Variants in RAD1 observed in about 807,000 individuals in gnomAD.
RAD1 encodes cell cycle checkpoint protein RAD1.
Under a neutral mutation model 30.0 loss-of-function variants are expected in RAD1, and 21 were observed. The ratio of observed to expected loss-of-function variants is 0.70; its 90% confidence interval spans 0.50 to 1.01. RAD1 has a LOEUF of 1.01. Ranked by LOEUF, RAD1 falls within the 50% of genes least tolerant of loss-of-function variation. RAD1 has a pLI of 0.00. For missense variants in RAD1, 329 were observed against 329.0 expected, an observed-to-expected ratio of 1.00 and a Z score of 0.00; for synonymous variants, 109 against 113.6, an observed-to-expected ratio of 0.96 and a Z score of 0.26.
chr5:34,907,188 T>C lies in RAD1; in HGVS notation c.*1577A>G, dbSNP rs1763678236. ...TCTCCAAACCAATTTTCTCTAATGCTATGTGACCTATATTAAGGTAGGGCA... is the reference window on the plus strand; with the variant it reads ...TCTCCAAACCAATTTTCTCTAATGCCATGTGACCTATATTAAGGTAGGGCA... On this transcript the variant is annotated 3_prime_UTR_variant, in exon 6 of 6. Coordinates refer to ENST00000382038, the MANE Select transcript of RAD1 (RefSeq NM_002853.4). The C allele has an allele frequency of 6.6e-6, 1 of 152,246 alleles. No individual in the cohort carries two copies. The highest frequency in any genetic ancestry group is 6.5e-5 in the Admixed American group (1 of 15,282). 9.4% of individuals were successfully genotyped at this position (152,246 alleles called of 1,614,324 possible). A position where few individuals can be genotyped will look rare whatever the true frequency, so the allele number is the denominator to read the frequency against.
Position 34,914,727 on chromosome 5 carries a change from C to T in RAD1, c.166G>A (p.Ala56Thr), listed in dbSNP as rs1330954150. The change falls in exon 2 of 6, where the codon GCA (alanine) becomes ACA (threonine). Residue 56 changes from alanine to threonine, a missense_variant. Coordinates refer to ENST00000382038, the MANE Select transcript of RAD1 (RefSeq NM_002853.4). ...AAAGCATTTGCTTGCACACACTTTG[C>T]ATTTTCCACTGTTACTTTGATACCA... ...KNGIKVTVEN[A>T]KCVQANAFIQ... The T allele has an allele frequency of 1.2e-6, 2 of 1,614,226 alleles. No individual in the cohort carries two copies. Among genetic ancestry groups the T allele is most frequent in the Admixed American group, 3.3e-5 (2 of 60,028 alleles).
rs1305032894 is a variant in RAD1 at position 34,908,454 on chromosome 5, C to T, written c.*311G>A. ...CTTCCCAAAGTGCTGGGATTAAAGC[C>T]ACCACACCCGGCCACCTTTAGACTC... On this transcript the variant is annotated 3_prime_UTR_variant, in exon 6 of 6. Transcript: ENST00000382038. 3 of 179,750 alleles carry T rather than the reference C, an allele frequency of 1.7e-5. No homozygotes were observed. Among genetic ancestry groups the T allele is most frequent in the Non-Finnish European group, 3.5e-5 (3 of 86,324 alleles). 11.1% of individuals were successfully genotyped at this position (179,750 alleles called of 1,614,324 possible). A position where few individuals can be genotyped will look rare whatever the true frequency, so the allele number is the denominator to read the frequency against.
chr5:34,913,923 T>C (rs1011564732), intron 2 of RAD1: 1 of 456,604 alleles, frequency 2.2e-6, no homozygotes, highest in Non-Finnish European at 4.4e-6. Context: ...CTCACTATGA[T>C]TACCCAGGCT....
intron 4 of RAD1, 92 bp downstream of exon 4, chr5:34,911,462 T>C: frequency 6.9e-7 from 1 of 1,450,408 alleles, no homozygotes; most frequent in Non-Finnish European, 9.3e-7. Flanking sequence ...TCTAAAAATG[T>C]GGATAATAAA....
chr5:34,911,445 T>C, intron 4 of RAD1, 109 bp downstream of exon 4: 1 of 1,362,646 alleles, frequency 7.3e-7, no homozygotes, highest in South Asian at 1.4e-5. Flanking sequence ...TCTAAAGTTG[T>C]GAAAACTCTA....
intron 3 of RAD1, among the ~76,000 whole-genome samples, chr5:34,912,295 C>T (rs1580507440): frequency 6.6e-6 from 1 of 152,032 alleles, no homozygotes; most frequent in South Asian, 2.1e-4. Flanking sequence ...TATATTTCCT[C>T]GAATTTAAAA....
At position 34,911,174 on chromosome 5, in the gene RAD1, C is replaced by G. The variant is rs1187113088; in HGVS notation, c.566+380G>C. 5.3e-5 allele frequency among the ~76,000 whole-genome samples: 8 copies of G among 152,332 alleles called. No individual in the cohort carries two copies. The South Asian group carries it at 6.2e-4, about 12-fold the overall frequency. ...TGAATGAGCCACGTGTAGAAAACAT[C>G]TTCTTCTGCATCCTGAACTAACTTG... On this transcript the variant is annotated intron_variant, in intron 4 of 5. Coordinates refer to ENST00000382038, the MANE Select transcript of RAD1 (RefSeq NM_002853.4).
intron 5 of RAD1, 104 bp downstream of exon 5, chr5:34,909,154 G>A: frequency 1.0e-6 from 1 of 993,588 alleles, no homozygotes; most frequent in East Asian, 2.5e-5. Context: ...TTTATAAAAT[G>A]CTGTGCATTT....
In RAD1 at chr5:34,915,474, C is replaced by G. The variant is rs1293584980; in HGVS notation, c.-128G>C. On this transcript the variant is annotated 5_prime_UTR_variant, in exon 1 of 6. Transcript: ENST00000382038. The stretch of plus-strand genomic sequence containing the variant: ...TCTCAGCAAAGTCCCTGAAGAGGAG[C>G]GAGGCGGCTCCGAGGAACCGCGGAG... 2.5e-6 allele frequency: 1 copy of G among 397,536 alleles called. No homozygotes were observed. Among genetic ancestry groups the G allele is most frequent in the Non-Finnish European group, 4.5e-6 (1 of 220,832 alleles). 24.6% of individuals were successfully genotyped at this position (397,536 alleles called of 1,614,324 possible).
rs1325678719 is a variant in RAD1, at chr5:34,907,983, CAG to C, written c.*780_*781del. ...AAATACAGAATGCTGGCCTCCTCCCCAGAGTTTGCTACAAGTTTGCAGGCCAT... is the reference window on the plus strand; with the variant it reads ...AAATACAGAATGCTGGCCTCCTCCCCAGTTTGCTACAAGTTTGCAGGCCAT... On this transcript the variant is annotated 3_prime_UTR_variant, in exon 6 of 6. Coordinates refer to ENST00000382038, the MANE Select transcript of RAD1 (RefSeq NM_002853.4). The C allele has an allele frequency of 6.6e-6, 1 of 152,200 alleles. No homozygotes were observed. Among genetic ancestry groups the C allele is most frequent in the Non-Finnish European group, 1.5e-5 (1 of 68,040 alleles). 9.4% of individuals were successfully genotyped at this position (152,200 alleles called of 1,614,324 possible). A position where few individuals can be genotyped will look rare whatever the true frequency, so the allele number is the denominator to read the frequency against.
chr5:34,915,414 A>G lies in RAD1; in HGVS notation c.-70+2T>C, dbSNP rs1460274180. 1 of 264,846 alleles carries G rather than the reference A, an allele frequency of 3.8e-6. No homozygotes were observed. The highest frequency in any genetic ancestry group is 6.8e-5 in the South Asian group (1 of 14,686). The allele number at this position is 264,846 out of a possible 1,614,324, so 16.4% of individuals were successfully genotyped here. A position where few individuals can be genotyped will look rare whatever the true frequency, so the allele number is the denominator to read the frequency against. On this transcript the variant is annotated splice_donor_variant, in intron 1 of 5. Coordinates refer to ENST00000382038, the MANE Select transcript of RAD1 (RefSeq NM_002853.4). LOFTEE classifies it low-confidence loss of function (5UTR_SPLICE). ...CGGGGTCCCCGAGTGCGGAAACCCTACCTTTGCGGTGGGGTCTGGACGCCC... is the reference window on the plus strand; with the variant it reads ...CGGGGTCCCCGAGTGCGGAAACCCTGCCTTTGCGGTGGGGTCTGGACGCCC...
In RAD1 at chr5:34,908,924, G is replaced by C; in HGVS notation, c.690C>G (p.Pro230=). Residue 230 remains proline (P), a synonymous_variant, in exon 6 of 6, where the codon CCC becomes CCG. Transcript: ENST00000382038. ...VNRYKISLLK[P]STKALVLSCK... ...AAGATAGGACTAATGCCTTTGTAGA[G>C]GGTTTCAGTAAGGAAATCTTGTATC... 7.5e-6 allele frequency: 12 copies of C among 1,607,596 alleles called. No homozygotes were observed. The highest frequency in any genetic ancestry group is 1.0e-5 in the Non-Finnish European group (12 of 1,178,244).
In RAD1 at chr5:34,906,139, G is replaced by A. The variant is rs1763644852; in HGVS notation, c.*2626C>T. 6.6e-6 allele frequency: 1 copy of A among 151,850 alleles called. No homozygotes were observed. The highest frequency in any genetic ancestry group is 6.6e-5 in the Admixed American group (1 of 15,234). The allele number at this position is 151,850 out of a possible 1,614,324, so 9.4% of individuals were successfully genotyped here. On this transcript the variant is annotated 3_prime_UTR_variant, in exon 6 of 6. Coordinates refer to ENST00000382038, the MANE Select transcript of RAD1 (RefSeq NM_002853.4). Reference sequence around the variant, plus strand: ...CCAGCTAATTTTTGTATTTTTAGTAGAGGTAGGGGTTTCACCATGTTGGCC... The same window carrying A: ...CCAGCTAATTTTTGTATTTTTAGTAAAGGTAGGGGTTTCACCATGTTGGCC...
At chr5:34,911,289 T>C (rs941615065) in intron 4 of RAD1, among the ~76,000 whole-genome samples, 2 of 152,192 alleles carry the variant, frequency 1.3e-5, no homozygotes, top group African/African-American at 4.8e-5. Context: ...TAAGGAGTAG[T>C]ACAATGAAAA....
Position 34,913,498 on chromosome 5 carries a change from T to G in RAD1, c.279A>C (p.Leu93Phe). ...RINLTVLLDCLSIFGSSPMPG... is the reference protein window; with the variant it reads ...RINLTVLLDCFSIFGSSPMPG... ...GCATAGGACTTGATCCAAAAATAGA[T>G]AAACAGTCTAAAAGGACAGTTAAAT... The change falls in exon 3 of 6, where the codon TTA (leucine) becomes TTC (phenylalanine). Residue 93 changes from leucine to phenylalanine, a missense_variant. By Grantham distance (22) the Leu-to-Phe change is conservative. Coordinates refer to ENST00000382038, the MANE Select transcript of RAD1 (RefSeq NM_002853.4). 6.3e-7 allele frequency: 1 copy of G among 1,594,110 alleles called. No homozygotes were observed. Among genetic ancestry groups the G allele is most frequent in the Non-Finnish European group, 8.6e-7 (1 of 1,167,238 alleles).
chr5:34,910,585 G>A (rs1248889911), intron 4 of RAD1, among the ~76,000 whole-genome samples: 6 of 151,952 alleles, frequency 3.9e-5, no homozygotes, highest in African/African-American at 7.2e-5. Context: ...GTGCCACCAC[G>A]CCCAACTAAT....
Position 34,906,594 on chromosome 5 carries a change from C to G in RAD1, c.*2171G>C, listed in dbSNP as rs889253589. ...ATTGAGGCTGGAGTGAACTGTAATCCTACAACTGTACTCCAGCCTGGGCAA... is the reference window on the plus strand; with the variant it reads ...ATTGAGGCTGGAGTGAACTGTAATCGTACAACTGTACTCCAGCCTGGGCAA... On this transcript the variant is annotated 3_prime_UTR_variant, in exon 6 of 6. Transcript: ENST00000382038. The G allele has an allele frequency of 6.6e-6, 1 of 152,104 alleles. No homozygotes were observed. Among genetic ancestry groups the G allele is most frequent in the South Asian group, 2.1e-4 (1 of 4,810 alleles). The allele number at this position is 152,104 out of a possible 1,614,324, so 9.4% of individuals were successfully genotyped here.
intron 4 of RAD1, 67 bp downstream of exon 4, chr5:34,911,487 A>G (rs1763836968): frequency 1.3e-6 from 2 of 1,544,368 alleles, no homozygotes; most frequent in South Asian, 1.2e-5. Flanking sequence ...TTGCATCCTA[A>G]GCAAATGTCT....
chr5:34,911,766 A>T lies in RAD1; in HGVS notation c.354T>A (p.Pro118=). 7.4e-6 allele frequency: 12 copies of T among 1,614,182 alleles called. No homozygotes were observed. The highest frequency in any genetic ancestry group is 1.0e-5 in the Non-Finnish European group (12 of 1,180,034). ...CTCCTTCTTCCAGGAACAGCATCAA[A>T]GGGTAACCATAACCTTGGTAACACA... The part of the protein sequence containing the change: ...LRMCYQGYGY[P]LMLFLEEGGV... The change falls in exon 4 of 6, where the codon CCT becomes CCA. Residue 118 remains proline (P), a synonymous_variant. Coordinates refer to ENST00000382038, the MANE Select transcript of RAD1 (RefSeq NM_002853.4).
Sources: gnomAD v4.1 joint callset for allele counts (sites outside exome capture counted in the v4.1 genomes callset) on GRCh38, gnomAD v4.1.1 for gene constraint, MANE v1.5 for transcripts, NCBI Gene and HGNC (gene_info 2026-07-23, HGNC 2026-07-21) for gene names.